PLCXD3: variants seen among roughly 807,000 people sequenced by gnomAD.
The protein encoded by PLCXD3 is phosphatidylinositol specific phospholipase C X domain containing 3.
Under a neutral mutation model 25.5 loss-of-function variants are expected in PLCXD3, and 19 were observed. The ratio of observed to expected loss-of-function variants is 0.75; its 90% CI spans 0.52 to 1.09. The LOEUF (loss-of-function observed/expected upper bound fraction) is 1.09. Ranked by LOEUF, PLCXD3 falls within the 50% of genes least tolerant of loss-of-function variation. The probability of loss-of-function intolerance (pLI) is 0.00; values close to 1 mark genes in which losing one functional copy is unlikely to be tolerated. For missense variants in PLCXD3, 411 were observed against 388.1 expected, an observed-to-expected ratio of 1.06 and a Z score of -0.50; for synonymous variants, 174 against 137.6, an observed-to-expected ratio of 1.26 and a Z score of -1.85.
At position 41,330,273 on chromosome 5, in the gene PLCXD3, G is replaced by A. The variant is rs145270705; in HGVS notation, c.813-16503C>T. Among the ~76,000 whole-genome samples the A allele has an allele frequency of 6.7e-4, 102 of 152,138 alleles. 1 individual carries two copies. The East Asian group carries it at 0.017, about 25-fold the overall frequency. On this transcript the variant is annotated intron_variant, in intron 2 of 2. Transcript: ENST00000377801. ...AAATGATAAAGGGGATATCAACACC[G>A]ATCCCACAGAAATACAAACTACCAT... is the stretch of plus-strand genomic sequence containing the variant.
At chr5:41,318,779 C>A (rs990639987) in intron 2 of PLCXD3, among the ~76,000 whole-genome samples, 6 of 152,084 alleles carry the variant, frequency 3.9e-5, no homozygotes, top group African/African-American at 1.4e-4. Flanking sequence ...ATGGACTAAA[C>A]TCTCCAATCA....
chr5:41,492,304 G>A (rs796843897), intron 1 of PLCXD3, among the ~76,000 whole-genome samples: 1 of 127,296 alleles, frequency 7.9e-6, no homozygotes, highest in South Asian at 2.6e-4. Flanking sequence ...CGAGAGATCC[G>A]CTGTTAGTCT....
intron 2 of PLCXD3, among the ~76,000 whole-genome samples, chr5:41,334,222 A>G (rs903089299): frequency 6.6e-6 from 1 of 151,978 alleles, no homozygotes; most frequent in Non-Finnish European, 1.5e-5. Context: ...CTGAGTCTCA[A>G]TTTTCTCCAT....
chr5:41,382,527 A>G lies in PLCXD3; in HGVS notation c.111T>C (p.His37=), dbSNP rs1472936409. Residue 37 remains histidine, a synonymous_variant, in exon 2 of 3, where the codon CAT becomes CAC. Coordinates refer to ENST00000377801, the MANE Select transcript of PLCXD3 (RefSeq NM_001005473.3). ...PLTNLAIPGS[H]DSFSFYIDEA... ...CATCAATGTAGAAGCTGAAGGAATC[A>G]TGAGACCCTAGGAGAATAACAAGGC... is the stretch of plus-strand genomic sequence containing the variant. 3 of 1,594,022 alleles carry G rather than the reference A, an allele frequency of 1.9e-6. No individual in the cohort carries two copies. Among genetic ancestry groups the G allele is most frequent in the Non-Finnish European group, 2.6e-6 (3 of 1,174,572 alleles).
chr5:41,327,393 A>T (rs1482166945), intron 2 of PLCXD3, among the ~76,000 whole-genome samples: 5 of 150,164 alleles, frequency 3.3e-5, no homozygotes, highest in Admixed American at 1.3e-4. Flanking sequence ...TTTTTAAAAA[A>T]TTTTCTCCTG....
intron 2 of PLCXD3, among the ~76,000 whole-genome samples, chr5:41,350,907 A>T (rs1396410523): frequency 6.6e-6 from 1 of 152,120 alleles, no homozygotes; most frequent in Non-Finnish European, 1.5e-5. Context: ...CTTATTTTGT[A>T]CAACTTTATG....
intron 2 of PLCXD3, among the ~76,000 whole-genome samples, chr5:41,320,240 A>G (rs1743425258): frequency 6.6e-6 from 1 of 152,180 alleles, no homozygotes; most frequent in South Asian, 2.1e-4. Flanking sequence ...GGAGGAGGGA[A>G]TATTTCCAAA....
chr5:41,431,853 A>G (rs73079714), intron 1 of PLCXD3, among the ~76,000 whole-genome samples: 5,910 of 152,220 alleles, frequency 0.039, 386 homozygotes, highest in African/African-American at 0.14. Flanking sequence ...AGGAGGGGAA[A>G]TGGTGGTGTG....
At chr5:41,487,746 A>G (rs1175407975) in intron 1 of PLCXD3, among the ~76,000 whole-genome samples, 1 of 152,164 alleles carries the variant, frequency 6.6e-6, no homozygotes, top group African/African-American at 2.4e-5. Context: ...CTGGAGGAAG[A>G]TGCCAACGAA....
chr5:41,486,581 G>T lies in PLCXD3; in HGVS notation c.103+23843C>A, dbSNP rs566658649. On this transcript the variant is annotated intron_variant, in intron 1 of 2. Coordinates refer to ENST00000377801, the MANE Select transcript of PLCXD3 (RefSeq NM_001005473.3). ...GCTAAGCAGAGCTGAGCCTCAAATG[G>T]AAAGACAGAAAATTTGAGAGTCTTC... 2.0e-5 allele frequency among the ~76,000 whole-genome samples: 3 copies of T among 152,190 alleles called. No individual in the cohort carries two copies. The South Asian group carries it at 6.2e-4, about 32-fold the overall frequency.
chr5:41,483,548 G>T (rs943555625), intron 1 of PLCXD3, among the ~76,000 whole-genome samples: 3 of 152,048 alleles, frequency 2.0e-5, no homozygotes, highest in Non-Finnish European at 4.4e-5. Context: ...TATTTTTAAA[G>T]TAATTTTTAA....
chr5:41,455,931 A>G (rs1196424050), intron 1 of PLCXD3, among the ~76,000 whole-genome samples: 1 of 151,388 alleles, frequency 6.6e-6, no homozygotes, highest in African/African-American at 2.4e-5. Context: ...CATTGTGTTA[A>G]AAACAATGCA....
chr5:41,339,627 T>C (rs1397907071), intron 2 of PLCXD3, among the ~76,000 whole-genome samples: 1 of 152,034 alleles, frequency 6.6e-6, no homozygotes, highest in Non-Finnish European at 1.5e-5. Flanking sequence ...TTTAAGTAAG[T>C]CATTGATTCA....
At chr5:41,418,536 C>T (rs1416086054) in intron 1 of PLCXD3, among the ~76,000 whole-genome samples, 1 of 152,044 alleles carries the variant, frequency 6.6e-6, no homozygotes, top group Non-Finnish European at 1.5e-5. Flanking sequence ...TTTTTTGGTA[C>T]ACTTTATTTA....
chr5:41,399,026 C>G (rs532426980), intron 1 of PLCXD3, among the ~76,000 whole-genome samples: 1 of 150,012 alleles, frequency 6.7e-6, no homozygotes, highest in African/African-American at 2.4e-5. Flanking sequence ...AATCAACATA[C>G]AAAAAAAAAG....
At chr5:41,490,420 G>C (rs898162015) in intron 1 of PLCXD3, among the ~76,000 whole-genome samples, 1 of 152,068 alleles carries the variant, frequency 6.6e-6, no homozygotes, top group Non-Finnish European at 1.5e-5. Flanking sequence ...TCTCTGCCAG[G>C]CTTTGGTATC....
intron 1 of PLCXD3, among the ~76,000 whole-genome samples, chr5:41,451,825 A>C (rs1437019654): frequency 6.6e-6 from 1 of 151,910 alleles, no homozygotes; most frequent in Non-Finnish European, 1.5e-5. Context: ...TTCTTTAAAC[A>C]ATATAATCAG....
intron 1 of PLCXD3, among the ~76,000 whole-genome samples, chr5:41,393,046 G>T (rs1021513356): frequency 1.3e-5 from 2 of 152,098 alleles, no homozygotes; most frequent in African/African-American, 4.8e-5. Flanking sequence ...TAAAAACAAT[G>T]AAGCACTTAG....
At chr5:41,415,445 G>T (rs1416823368) in intron 1 of PLCXD3, among the ~76,000 whole-genome samples, 1 of 152,136 alleles carries the variant, frequency 6.6e-6, no homozygotes, top group Non-Finnish European at 1.5e-5. Flanking sequence ...GAATACAATA[G>T]TCATCCTGGA....
Sources: allele counts gnomAD v4.1 joint callset (sites outside exome capture counted in the v4.1 genomes callset), GRCh38; gene constraint gnomAD v4.1.1; transcripts MANE v1.5; gene names NCBI Gene and HGNC (gene_info 2026-07-23, HGNC 2026-07-21).